Variants in SYCP2 observed in about 807,000 individuals in gnomAD.
SYCP2 encodes the protein synaptonemal complex lateral element protein.
A neutral mutation model predicts 211.3 loss-of-function variants in SYCP2; 55 were observed. That is an observed-to-expected ratio of 0.26 (90% CI 0.21 to 0.33). The LOEUF is 0.33. Among genes scored for constraint, SYCP2 ranks in the 10% least tolerant of loss-of-function variants. SYCP2 has a pLI of 1.00. For missense variants in SYCP2, 1,731 were observed against 1,752.0 expected, an observed-to-expected ratio of 0.99 and a Z score of 0.21; for synonymous variants, 570 against 555.2, an observed-to-expected ratio of 1.03 and a Z score of -0.37.
chr20:59,891,641 A>AG (rs2059907657), intron 24 of SYCP2, among the ~76,000 whole-genome samples: 1 of 151,990 alleles, frequency 6.6e-6, no homozygotes, highest in African/African-American at 2.4e-5. Flanking sequence ...AGTCAAAGAG[A>AG]GAAAAAAAAA....
chr20:59,914,140 A>C lies in SYCP2; in HGVS notation c.746T>G (p.Phe249Cys). The C allele has an allele frequency of 6.2e-7, 1 of 1,604,390 alleles. No individual in the cohort carries two copies. The highest frequency in any genetic ancestry group is 8.5e-7 in the Non-Finnish European group (1 of 1,174,228). Reference sequence around the variant, plus strand: ...AAATTCAGAGTCCTTAATTCTTTTAAATGCCTTAGCAATAAAATCCATTGA... The same window carrying C: ...AAATTCAGAGTCCTTAATTCTTTTACATGCCTTAGCAATAAAATCCATTGA... ...WFSMDFIAKA[F>C]KRIKDSEFET... Residue 249 changes from phenylalanine to cysteine, a missense_variant, in exon 11 of 45, where the codon TTT (phenylalanine) becomes TGT (cysteine). This residue lies in a region of SYCP2 where 335 missense variants were observed against 378.8 expected (regional missense o/e 0.88). Coordinates refer to ENST00000357552, the MANE Select transcript of SYCP2 (RefSeq NM_014258.4).
At chr20:59,890,629 G>A (rs1396493671) in intron 24 of SYCP2, among the ~76,000 whole-genome samples, 3 of 151,926 alleles carry the variant, frequency 2.0e-5, no homozygotes, top group Non-Finnish European at 4.4e-5. Flanking sequence ...TTCATGAACT[G>A]GTGGGAAATT....
chr20:59,891,181 T>G (rs1264091191), intron 24 of SYCP2, among the ~76,000 whole-genome samples: 1 of 151,990 alleles, frequency 6.6e-6, no homozygotes, highest in Non-Finnish European at 1.5e-5. Context: ...TCAGCATTAC[T>G]ACAGAAGATA....
At chr20:59,882,326 G>T (rs1002081730) in intron 26 of SYCP2, among the ~76,000 whole-genome samples, 161 bp from the exon 27 acceptor site, 1 of 152,094 alleles carries the variant, frequency 6.6e-6, no homozygotes, top group Non-Finnish European at 1.5e-5. Context: ...TGCTAGTGAG[G>T]ATGTGGGCCT....
In SYCP2 at chr20:59,885,698, A is replaced by G. The variant is rs747489391; in HGVS notation, c.2529+230T>C. ...GGATATACTGAATCATATACCAAAA[A>G]GTAAAAATATTATGCTCATATGTGT... On this transcript the variant is annotated intron_variant, in intron 26 of 44. Transcript: ENST00000357552. Among the ~76,000 whole-genome samples, 57 of 152,180 alleles carry G rather than the reference A, an allele frequency of 3.7e-4. 1 individual carries two copies. The highest frequency in any genetic ancestry group is 5.9e-4 in the Non-Finnish European group (40 of 67,996).
At chr20:59,924,959 A>C (rs2060608381) in intron 2 of SYCP2, among the ~76,000 whole-genome samples, 1 of 151,614 alleles carries the variant, frequency 6.6e-6, no homozygotes, top group Non-Finnish European at 1.5e-5. Flanking sequence ...GAAATATAAC[A>C]AAACCTCACT....
In SYCP2 at chr20:59,912,418, C is replaced by A; in HGVS notation, c.831G>T (p.Arg277Ser). 2 of 1,060,100 alleles carry A rather than the reference C, an allele frequency of 1.9e-6. No individual in the cohort carries two copies. Among genetic ancestry groups the A allele is most frequent in the Non-Finnish European group, 2.7e-6 (2 of 736,402 alleles). The allele number at this position is 1,060,100 out of a possible 1,614,324, so 65.7% of individuals were successfully genotyped here. A position where few individuals can be genotyped will look rare whatever the true frequency, so the allele number is the denominator to read the frequency against. The part of the protein sequence containing the change: ...LVNGMLGDKR[R>S]VFTFPCLSAF... ...CTGATAAACAAGGAAATGTAAAGACCCTGAAATAAAAAGTAGTTTAAGAAA... is the reference window on the plus strand; with the variant it reads ...CTGATAAACAAGGAAATGTAAAGACACTGAAATAAAAAGTAGTTTAAGAAA... Residue 277 changes from arginine (R) to serine (S), a missense_variant and splice_region_variant, in exon 13 of 45, where the codon AGG (arginine) becomes AGT (serine). Physicochemically the swap from Arg to Ser is moderately radical, Grantham distance 110. Transcript: ENST00000357552.
intron 1 of SYCP2, among the ~76,000 whole-genome samples, chr20:59,932,553 A>G (rs1255590479): frequency 6.6e-6 from 1 of 152,170 alleles, no homozygotes; most frequent in Non-Finnish European, 1.5e-5. Context: ...CGCGCCAAGT[A>G]GTCCCAGTTA....
rs774859989 is a variant in SYCP2 at position 59,896,487 on chromosome 20, C to A, written c.1446G>T (p.Met482Ile). 3 of 1,610,950 alleles carry A rather than the reference C, an allele frequency of 1.9e-6. No homozygotes were observed. In the South Asian group the frequency reaches 3.3e-5, roughly 18 times the overall value. Residue 482 changes from methionine to isoleucine, a missense_variant, in exon 19 of 45, where the codon ATG (methionine) becomes ATT (isoleucine). Physicochemically the swap from Met to Ile is conservative, Grantham distance 10 (BLOSUM62 1). Coordinates refer to ENST00000357552, the MANE Select transcript of SYCP2 (RefSeq NM_014258.4). ...PSKRKMSEAS[M>I]IVSGADRYTM... ...TGTATCTATCTGCACCAGAAACAAT[C>A]ATTGATGCTTCAGACATTTTTCTTT... is the stretch of plus-strand genomic sequence containing the variant.
At chr20:59,890,011 A>G (rs1295533496) in intron 24 of SYCP2, among the ~76,000 whole-genome samples, 1 of 152,306 alleles carries the variant, frequency 6.6e-6, no homozygotes, top group East Asian at 1.9e-4. Context: ...AGGATCTAGA[A>G]CCAGAAATAC....
At chr20:59,870,857 C>T (rs1468769291) in intron 35 of SYCP2, among the ~76,000 whole-genome samples, 1 of 151,760 alleles carries the variant, frequency 6.6e-6, no homozygotes, top group Non-Finnish European at 1.5e-5. Context: ...GACTATTCCA[C>T]TCCTGATGTC....
At chr20:59,909,459 C>T (rs2060274760) in intron 14 of SYCP2, among the ~76,000 whole-genome samples, 1 of 152,160 alleles carries the variant, frequency 6.6e-6, no homozygotes. Context: ...TTGCAAAAGC[C>T]TCCTAACTGC....
intron 36 of SYCP2, 111 bp from the exon 37 acceptor site, chr20:59,869,036 T>C (rs1258445707): frequency 7.2e-6 from 5 of 698,808 alleles, no homozygotes; most frequent in South Asian, 2.0e-5. Context: ...GTCAATTCTT[T>C]CTCAGATTGT....
intron 25 of SYCP2, 44 bp downstream of exon 25, chr20:59,886,663 G>T (rs1256345420): frequency 1.4e-6 from 2 of 1,425,072 alleles, no homozygotes; most frequent in Non-Finnish European, 1.9e-6. Context: ...TAATATAGTT[G>T]TATCTGTCAG....
chr20:59,922,671 C>CT (rs1484998095), intron 2 of SYCP2, among the ~76,000 whole-genome samples: 12 of 151,588 alleles, frequency 7.9e-5, no homozygotes, highest in Non-Finnish European at 1.6e-4. Context: ...CAAGCTCTTC[C>CT]TTTTTATAGA....
intron 18 of SYCP2, 39 bp downstream of exon 18, chr20:59,900,099 T>C (rs1484040502): frequency 1.9e-6 from 3 of 1,596,496 alleles, no homozygotes; most frequent in Admixed American, 3.3e-5. Flanking sequence ...ATTTGATCAA[T>C]GGTAGTTTTA....
At position 59,893,337 on chromosome 20, in the gene SYCP2, C is replaced by A; in HGVS notation, c.1736-138G>T. 6.6e-6 allele frequency: 5 copies of A among 759,068 alleles called. No individual in the cohort carries two copies. The South Asian group carries it at 9.6e-5, about 15-fold the overall frequency. The allele number at this position is 759,068 out of a possible 1,614,324, so 47.0% of individuals were successfully genotyped here. On this transcript the variant is annotated intron_variant, in intron 21 of 44. Transcript: ENST00000357552. Reference sequence around the variant, plus strand: ...TCGATTTTGCATCCTCTCTCTTAAACCCAAACTTCTGGGGAACAAAGGTGG... The same window carrying A: ...TCGATTTTGCATCCTCTCTCTTAAAACCAAACTTCTGGGGAACAAAGGTGG...
intron 5 of SYCP2, 107 bp downstream of exon 5, chr20:59,920,252 C>T (rs935635977): frequency 1.0e-6 from 1 of 1,001,918 alleles, no homozygotes; most frequent in Non-Finnish European, 1.4e-6. Flanking sequence ...CAAAATTGTA[C>T]ATAAAGTTCC....
intron 13 of SYCP2, 76 bp downstream of exon 13, chr20:59,912,293 TATTC>T: frequency 1.6e-6 from 1 of 612,142 alleles, no homozygotes; most frequent in South Asian, 1.8e-5. Flanking sequence ...TTAGTGTTCT[TATTC>T]ATTTTTAACT....
Sources: gnomAD v4.1 joint callset for allele counts (sites outside exome capture counted in the v4.1 genomes callset) on GRCh38, gnomAD v4.1.1 for gene constraint, gnomAD v4.1.1 regional missense constraint, MANE v1.5 for transcripts, NCBI Gene and HGNC (gene_info 2026-07-23, HGNC 2026-07-21) for gene names.